Variants in WSB2 observed in about 807,000 individuals in gnomAD.
WSB2 encodes the protein WD repeat and SOCS box containing 2.
In WSB2, 12 loss-of-function variants were observed where a neutral mutation model predicts 48.8. The ratio of observed to expected loss-of-function variants is 0.25; its 90% CI spans 0.16 to 0.40. WSB2 has a LOEUF of 0.40. Ranked by LOEUF, WSB2 falls within the 10% of genes least tolerant of loss-of-function variation. WSB2 has a pLI of 1.00. For synonymous variants in WSB2, 191 were observed against 203.1 expected (o/e 0.94, Z 0.51); for missense variants, 317 against 506.2 (o/e 0.63, Z 3.59).
chr12:118,052,997 T>C (rs1481427809), intron 1 of WSB2, among the ~76,000 whole-genome samples: 1 of 152,068 alleles, frequency 6.6e-6, no homozygotes, highest in East Asian at 1.9e-4. Flanking sequence ...ATGGATTCCA[T>C]CTCCCCATCT....
In WSB2 at chr12:118,060,208, C is replaced by A. The variant is rs1342225968; in HGVS notation, c.13+828G>T. ...CGTGCATGCGTCTTGGGGTTTTTTT[C>A]CCCTTGCATAAGAGACACACCTTTC... On this transcript the variant is annotated intron_variant, in intron 1 of 8. Transcript: ENST00000315436. The surrounding 1 kb of genome is among the most constrained non-coding windows in gnomAD (Gnocchi z 4.1). Among the ~76,000 whole-genome samples, 1 of 152,052 alleles carries A rather than the reference C, an allele frequency of 6.6e-6. No homozygotes were observed. Among genetic ancestry groups the A allele is most frequent in the African/African-American group, 2.4e-5 (1 of 41,374 alleles).
At position 118,033,488 on chromosome 12, in the gene WSB2, T is replaced by C. The variant is rs1186097285; in HGVS notation, c.*708A>G. On this transcript the variant is annotated 3_prime_UTR_variant, in exon 9 of 9. Transcript: ENST00000315436. ...TCTGAATAGTCATGCGGTTTAAGAA[T>C]ACATCCTTGTATAATCTGACATACA... 1 of 149,974 alleles carries C rather than the reference T, an allele frequency of 6.7e-6. No homozygotes were observed. The highest frequency in any genetic ancestry group is 2.5e-5 in the African/African-American group (1 of 40,300). The allele number at this position is 149,974 out of a possible 1,614,324, so 9.3% of individuals were successfully genotyped here.
In WSB2 at chr12:118,038,403, A is replaced by C; in HGVS notation, c.560-15T>G. 1 of 1,612,738 alleles carries C rather than the reference A, an allele frequency of 6.2e-7. No homozygotes were observed. The highest frequency in any genetic ancestry group is 8.5e-7 in the Non-Finnish European group (1 of 1,179,028). On this transcript the variant is annotated splice_polypyrimidine_tract_variant and intron_variant, in intron 4 of 8. Transcript: ENST00000315436. The stretch of plus-strand genomic sequence containing the variant: ...AATCTGTTTACCTGGCAGGAAAAAG[A>C]AGCAAACAATGAGCCAGTCCTCAAC...
chr12:118,057,562 A>T (rs1409135449), intron 1 of WSB2, among the ~76,000 whole-genome samples: 1 of 152,074 alleles, frequency 6.6e-6, no homozygotes, highest in Non-Finnish European at 1.5e-5. Context: ...GGCGTGAGTC[A>T]CCGCGTCCAG....
chr12:118,059,653 A>C (rs1345359711), intron 1 of WSB2, among the ~76,000 whole-genome samples: 1 of 152,204 alleles, frequency 6.6e-6, no homozygotes, highest in Non-Finnish European at 1.5e-5. Flanking sequence ...TTCTGTTAAA[A>C]AGGCAGGCTA....
At chr12:118,052,261 G>A (rs756834666) in intron 2 of WSB2, 49 bp downstream of exon 2, 1 of 1,596,046 alleles carries the variant, frequency 6.3e-7, no homozygotes, top group Non-Finnish European at 8.6e-7. Context: ...AAAAGAACAA[G>A]GAGTGTTTGG....
chr12:118,055,946 T>C (rs1566143396), intron 1 of WSB2, among the ~76,000 whole-genome samples: 1 of 151,624 alleles, frequency 6.6e-6, no homozygotes, highest in Non-Finnish European at 1.5e-5. Flanking sequence ...ACCAAATCCA[T>C]TAGCAAGTTC....
chr12:118,034,568 C>A, intron 8 of WSB2: 1 of 479,320 alleles, frequency 2.1e-6, no homozygotes, highest in Non-Finnish European at 3.6e-6. Flanking sequence ...CCTGTGATAC[C>A]AAAGCGCTCT....
chr12:118,034,679 G>A (rs2031464480), intron 8 of WSB2: 1 of 495,330 alleles, frequency 2.0e-6, no homozygotes, highest in East Asian at 3.5e-5. Flanking sequence ...GATGTTACCT[G>A]TAAAGTGGTC....
chr12:118,059,714 G>C (rs1353024555), intron 1 of WSB2, among the ~76,000 whole-genome samples: 1 of 136,362 alleles, frequency 7.3e-6, no homozygotes, highest in Non-Finnish European at 1.6e-5. Flanking sequence ...GAAATCAAAC[G>C]GAAGCTATAA....
intron 4 of WSB2, among the ~76,000 whole-genome samples, chr12:118,040,268 G>A (rs780446055): frequency 4.6e-5 from 7 of 152,070 alleles, no homozygotes; most frequent in African/African-American, 7.2e-5. Flanking sequence ...GTGGGGCAGC[G>A]CCTGTCAGCT....
At chr12:118,061,813 G>T (rs1175326104), upstream of WSB2, among the ~76,000 whole-genome samples, 1 of 142,786 alleles carries the variant, frequency 7.0e-6, no homozygotes, top group Non-Finnish European at 1.5e-5. Context: ...AATACTGGCC[G>T]AGAAGAAACC....
chr12:118,044,453 CGTTT>C (rs1044718705), intron 2 of WSB2, among the ~76,000 whole-genome samples: 2 of 152,112 alleles, frequency 1.3e-5, no homozygotes, highest in African/African-American at 4.8e-5. Flanking sequence ...TTGCCAACAC[CGTTT>C]GTTTGGTACA....
intron 3 of WSB2, 78 bp downstream of exon 3, chr12:118,043,055 G>A: frequency 6.2e-7 from 1 of 1,613,610 alleles, no homozygotes; most frequent in South Asian, 1.1e-5. Flanking sequence ...TGGCCAACGT[G>A]AGTGGGGCAG....
chr12:118,034,574 G>GCTCTCTCTCTCTCTCTCTCTCTCT (rs368693869), intron 8 of WSB2: 13,897 of 525,156 alleles, frequency 0.026, 262 homozygotes, highest in South Asian at 0.034. Context: ...ATACCAAAGC[G>GCTCTCTCTCTCTCTCTCTCTCTCT]CTCTCTCTGT....
chr12:118,061,374 C>T (rs2032063084), upstream of WSB2, among the ~76,000 whole-genome samples: 1 of 118,450 alleles, frequency 8.4e-6, no homozygotes, highest in Non-Finnish European at 1.6e-5. Flanking sequence ...GACGCGCGAA[C>T]CAGATAAAAA....
At chr12:118,052,600 C>G in intron 1 of WSB2, 122 bp from the exon 2 acceptor site, 1 of 1,464,146 alleles carries the variant, frequency 6.8e-7, no homozygotes, top group South Asian at 1.3e-5. Flanking sequence ...AGGGAGTTGT[C>G]ACTTAAATGA....
At chr12:118,046,518 C>T (rs1442931270) in intron 2 of WSB2, among the ~76,000 whole-genome samples, 1 of 151,638 alleles carries the variant, frequency 6.6e-6, no homozygotes, top group African/African-American at 2.4e-5. Context: ...GGGTCTAAAT[C>T]GCCAAATATA....
chr12:118,040,641 G>C, intron 4 of WSB2, among the ~76,000 whole-genome samples: 1 of 150,124 alleles, frequency 6.7e-6, no homozygotes, highest in Non-Finnish European at 1.5e-5. Context: ...CACACCTGGA[G>C]GAGGCTCTGT....
Sources: gnomAD v4.1 joint callset for allele counts (sites outside exome capture counted in the v4.1 genomes callset) on GRCh38, gnomAD v4.1.1 for gene constraint, Gnocchi (gnomAD v3.1) non-coding constraint, MANE v1.5 for transcripts, NCBI Gene and HGNC (gene_info 2026-07-23, HGNC 2026-07-21) for gene names.